AFTPH: variants seen among roughly 807,000 people sequenced by gnomAD.
The protein encoded by AFTPH is aftiphilin protein.
AFTPH carries 7 observed loss-of-function variants against 72.5 expected under a neutral mutation model. The observed-to-expected ratio is 0.10, with a 90% CI of 0.05 to 0.18. AFTPH has a LOEUF of 0.18. Among genes scored for constraint, AFTPH ranks in the 10% least tolerant of loss-of-function variants. AFTPH has a pLI of 1.00. For missense variants in AFTPH, 979 were observed against 1,060.5 expected, an observed-to-expected ratio of 0.92 and a Z score of 1.07; for synonymous variants, 337 against 370.1, an observed-to-expected ratio of 0.91 and a Z score of 1.03.
chr2:64,565,335 C>T (rs181790205), intron 2 of AFTPH, among the ~76,000 whole-genome samples: 2,742 of 151,506 alleles, frequency 0.018, 94 homozygotes, highest in African/African-American at 0.061. Context: ...ATTAGCTGGG[C>T]GCGGTGGTGG....
rs1673730266 is a variant in AFTPH at position 64,589,995 on chromosome 2, GAATTGACCTCTAA to G, written c.2580-1880_2580-1868del. Among the ~76,000 whole-genome samples, 5 of 149,438 alleles carry G rather than the reference GAATTGACCTCTAA, an allele frequency of 3.3e-5. No individual in the cohort carries two copies. The Admixed American group carries it at 3.4e-4, about 10-fold the overall frequency. ...AAAATGAGATTTTAGAGGTCATAGT[GAATTGACCTCTAA>G]AATTGACCTAGTCTTAGTCAGTGAT... On this transcript the variant is annotated intron_variant, in intron 8 of 8. Coordinates refer to ENST00000238856, the Ensembl canonical transcript of AFTPH.
intron 6 of AFTPH, among the ~76,000 whole-genome samples, chr2:64,578,638 A>C (rs1428126423): frequency 6.6e-6 from 1 of 151,354 alleles, no homozygotes; most frequent in Non-Finnish European, 1.5e-5. Flanking sequence ...GCTCACTGCA[A>C]CCTCCACCTC....
intron 1 of AFTPH, among the ~76,000 whole-genome samples, chr2:64,548,797 C>CT (rs1002064009): frequency 3.0e-3 from 443 of 149,898 alleles, no homozygotes; most frequent in African/African-American, 6.5e-3. Context: ...GTATCTTGTA[C>CT]TTTTTTTTTT....
chr2:64,537,095 C>T (rs1268274721), intron 1 of AFTPH, among the ~76,000 whole-genome samples: 1 of 150,658 alleles, frequency 6.6e-6, no homozygotes, highest in Non-Finnish European at 1.5e-5. Context: ...TATTTACACA[C>T]TTCCTTATTA....
chr2:64,543,231 G>T (rs916215266), intron 1 of AFTPH, among the ~76,000 whole-genome samples: 7 of 152,128 alleles, frequency 4.6e-5, no homozygotes, highest in African/African-American at 1.2e-4. Flanking sequence ...CTGTTGGATT[G>T]TTCCACATTG....
chr2:64,567,447 C>A, intron 2 of AFTPH, 115 bp from the exon 3 acceptor site: 1 of 1,030,600 alleles, frequency 9.7e-7, no homozygotes, highest in Non-Finnish European at 1.4e-6. Flanking sequence ...TCTGATGGTT[C>A]TCTTCCTCTC....
rs776734529 is a variant in AFTPH, at chr2:64,591,935, T to C, written c.2630T>C (p.Ile877Thr). The stretch of plus-strand genomic sequence containing the variant: ...CTAAGTGAAGAAGCTATCAAGGTGA[T>C]CGCTGGCCTTCCTGACTTAACATTC... The change falls in exon 9 of 9, where the codon ATC (isoleucine) becomes ACC (threonine). Residue 877 changes from isoleucine to threonine, a missense_variant. Around this residue, in one of 3 missense-constraint regions of AFTPH, gnomAD observed 438 missense variants for 530.0 expected, o/e 0.83. Transcript: ENST00000238856. 4.3e-6 allele frequency: 7 copies of C among 1,614,026 alleles called. No individual in the cohort carries two copies. The South Asian group carries it at 6.6e-5, about 15-fold the overall frequency.
intron 2 of AFTPH, among the ~76,000 whole-genome samples, chr2:64,563,277 G>A (rs1442355401): frequency 1.3e-5 from 2 of 152,194 alleles, no homozygotes; most frequent in Non-Finnish European, 1.5e-5. Flanking sequence ...GGCTGATGTT[G>A]AGAGGATGAT....
chr2:64,548,419 A>AC (rs1670800524), intron 1 of AFTPH, among the ~76,000 whole-genome samples: 2 of 149,378 alleles, frequency 1.3e-5, no homozygotes, highest in African/African-American at 2.4e-5. Flanking sequence ...AAAAAAAAAA[A>AC]AAAAAAAAAA....
intron 1 of AFTPH, among the ~76,000 whole-genome samples, chr2:64,545,890 G>C (rs1218428797): frequency 2.6e-5 from 4 of 151,588 alleles, no homozygotes; most frequent in African/African-American, 9.7e-5. Context: ...TTTTTGTTTT[G>C]TTTCGTTTTG....
In AFTPH at chr2:64,553,255, C is replaced by G. The variant is rs375454324; in HGVS notation, c.1781C>G (p.Thr594Ser). The change falls in exon 2 of 9, where the codon ACT (threonine) becomes AGT (serine). Residue 594 changes from threonine to serine, a missense_variant. Physicochemically the swap from Thr to Ser is moderately conservative, Grantham distance 58 (BLOSUM62 1). Transcript: ENST00000238856. ...GCTGCTTTTGGAGACCAGCAGGCTA[C>G]TGAATCTCATCATCGAAAGGAAGCC... is the stretch of plus-strand genomic sequence containing the variant. 1.9e-6 allele frequency: 3 copies of G among 1,613,968 alleles called. No individual in the cohort carries two copies. In the African/African-American group the frequency reaches 4.0e-5, roughly 22 times the overall value.
chr2:64,573,217 C>T, intron 6 of AFTPH, 149 bp downstream of exon 6: 1 of 651,070 alleles, frequency 1.5e-6, no homozygotes, highest in African/African-American at 1.8e-5. Flanking sequence ...TAATTAACAT[C>T]CCTTGGAATA....
chr2:64,552,840 A>G (rs1299938668), exon 2 of AFTPH: 2 of 1,614,114 alleles, frequency 1.2e-6, no homozygotes, highest in African/African-American at 1.3e-5. Context: ...TCAAGATTCA[A>G]TGAGTGATGC....
intron 1 of AFTPH, among the ~76,000 whole-genome samples, chr2:64,546,260 A>G (rs759215483): frequency 2.0e-5 from 3 of 152,044 alleles, no homozygotes; most frequent in Non-Finnish European, 4.4e-5. Context: ...ATGTACCAAC[A>G]TTGTCATGGT....
At chr2:64,533,129 GGCTCAT>G in intron 1 of AFTPH, among the ~76,000 whole-genome samples, 1 of 152,206 alleles carries the variant, frequency 6.6e-6, no homozygotes, top group South Asian at 2.1e-4. Flanking sequence ...CAGGTGTGGT[GGCTCAT>G]GCCTGTAATC....
chr2:64,580,191 C>A (rs151136825), intron 7 of AFTPH: 2 of 152,576 alleles, frequency 1.3e-5, no homozygotes, highest in African/African-American at 4.8e-5. Flanking sequence ...AAATAAGTAA[C>A]ACACCAATGT....
intron 8 of AFTPH, among the ~76,000 whole-genome samples, chr2:64,589,259 A>T (rs934011319): frequency 6.6e-6 from 1 of 152,224 alleles, no homozygotes; most frequent in Admixed American, 6.5e-5. Flanking sequence ...ATTCTTGTGC[A>T]GGTGGATATC....
chr2:64,590,803 T>G (rs1673785104), intron 8 of AFTPH, among the ~76,000 whole-genome samples: 1 of 152,190 alleles, frequency 6.6e-6, no homozygotes, highest in African/African-American at 2.4e-5. Context: ...GGATTCAAAG[T>G]GGTAACAGAA....
intron 7 of AFTPH, among the ~76,000 whole-genome samples, chr2:64,581,541 GTTGGTTTTTTTTT>G (rs1673198448): frequency 1.3e-5 from 2 of 151,914 alleles, no homozygotes; most frequent in Non-Finnish European, 2.9e-5. Context: ...AGGCAGGGCT[GTTGGTTTTTTTTT>G]CCTCTAAGTG....
Sources: allele counts gnomAD v4.1 joint callset (sites outside exome capture counted in the v4.1 genomes callset), GRCh38; gene constraint gnomAD v4.1.1; regional missense constraint gnomAD v4.1.1; transcripts MANE v1.5; gene names NCBI Gene and HGNC (gene_info 2026-07-23, HGNC 2026-07-21).